The following TRDN variants were observed in gnomAD, a reference collection of about 807,000 sequenced individuals.
The protein encoded by TRDN is triadin.
A neutral mutation model predicts 149.7 loss-of-function variants in TRDN; 161 were observed. The ratio of observed to expected loss-of-function variants is 1.08; its 90% confidence interval spans 0.95 to 1.23. The LOEUF (loss-of-function observed/expected upper bound fraction) is 1.23. TRDN is among the 50% of genes most tolerant of loss of function. The pLI is 0.00. For synonymous variants in TRDN, 294 were observed against 250.5 expected, an observed-to-expected ratio of 1.17 and a Z score of -1.64; for missense variants, 896 against 823.5, an observed-to-expected ratio of 1.09 and a Z score of -1.08.
intron 12 of TRDN, among the ~76,000 whole-genome samples, chr6:123,404,030 C>T (rs80104377): frequency 6.6e-6 from 1 of 152,172 alleles, no homozygotes; most frequent in East Asian, 1.9e-4. Flanking sequence ...TATAGGGCAG[C>T]TTTTCCTTCT....
At chr6:123,570,110 G>T (rs531608973) in intron 2 of TRDN, among the ~76,000 whole-genome samples, 9 of 152,146 alleles carry the variant, frequency 5.9e-5, no homozygotes, top group Non-Finnish European at 1.0e-4. Context: ...TATTTATAGT[G>T]TCTGGGTCCT....
intron 9 of TRDN, among the ~76,000 whole-genome samples, chr6:123,476,415 C>T (rs1323817217): frequency 9.3e-6 from 1 of 106,968 alleles, no homozygotes; most frequent in Non-Finnish European, 2.0e-5. Context: ...AAAGAGGATA[C>T]AAACAAATGG....
At chr6:123,560,052 T>C (rs895464398) in intron 2 of TRDN, among the ~76,000 whole-genome samples, 1 of 152,096 alleles carries the variant, frequency 6.6e-6, no homozygotes, top group East Asian at 1.9e-4. Flanking sequence ...GAGCCAGGAC[T>C]GCACCCTGTA....
At chr6:123,396,489 A>G (rs1166132967) in intron 12 of TRDN, among the ~76,000 whole-genome samples, 1 of 152,226 alleles carries the variant, frequency 6.6e-6, no homozygotes, top group Admixed American at 6.5e-5. Flanking sequence ...ATATTCAACT[A>G]AAGATTATAG....
Position 123,472,229 on chromosome 6 carries a change from G to C in TRDN, c.854-7246C>G, listed in dbSNP as rs558312743. The stretch of plus-strand genomic sequence containing the variant: ...GCGCAGGTCAGTGGGTGCGCGCACC[G>C]TGCGCAAGCCAAAGCAGGGGGAGGC... On this transcript the variant is annotated intron_variant, in intron 9 of 40. Coordinates refer to ENST00000334268, the MANE Select transcript of TRDN (RefSeq NM_006073.4). Among the ~76,000 whole-genome samples, 16 of 152,300 alleles carry C rather than the reference G, an allele frequency of 1.1e-4. No individual in the cohort carries two copies. In the South Asian group the frequency reaches 2.3e-3, roughly 22 times the overall value.
intron 24 of TRDN, 147 bp from the exon 25 acceptor site, chr6:123,279,229 T>G: frequency 1.5e-6 from 1 of 650,120 alleles, no homozygotes; most frequent in Non-Finnish European, 2.4e-6. Flanking sequence ...CTATAGAATG[T>G]GTAACTTATG....
intron 23 of TRDN, among the ~76,000 whole-genome samples, chr6:123,319,910 A>C (rs1458687641): frequency 6.6e-6 from 1 of 152,120 alleles, no homozygotes; most frequent in Non-Finnish European, 1.5e-5. Flanking sequence ...TGTCATCAAT[A>C]GTGTTTTCAA....
At chr6:123,599,373 A>G (rs1200562653) in intron 1 of TRDN, among the ~76,000 whole-genome samples, 1 of 152,066 alleles carries the variant, frequency 6.6e-6, no homozygotes, top group Non-Finnish European at 1.5e-5. Flanking sequence ...AAAGTACACA[A>G]CTGATGCTAA....
At chr6:123,365,160 T>C (rs1781042366) in intron 20 of TRDN, among the ~76,000 whole-genome samples, 1 of 152,172 alleles carries the variant, frequency 6.6e-6, no homozygotes, top group East Asian at 1.9e-4. Context: ...TAGAGCTGTA[T>C]TTGAAAGAGA....
At chr6:123,327,649 G>A (rs970427409) in intron 23 of TRDN, among the ~76,000 whole-genome samples, 1 of 151,980 alleles carries the variant, frequency 6.6e-6, no homozygotes, top group African/African-American at 2.4e-5. Flanking sequence ...CTTATGTTTA[G>A]GAATGCTAAA....
intron 4 of TRDN, among the ~76,000 whole-genome samples, chr6:123,540,770 G>A (rs1413567605): frequency 2.6e-5 from 4 of 152,154 alleles, no homozygotes; most frequent in East Asian, 1.9e-4. Flanking sequence ...TGCCCGCCTC[G>A]GCCTCCCAAA....
At chr6:123,458,383 G>T (rs181135975) in intron 10 of TRDN, among the ~76,000 whole-genome samples, 1 of 152,188 alleles carries the variant, frequency 6.6e-6, no homozygotes, top group African/African-American at 2.4e-5. Flanking sequence ...TTTGAATAAA[G>T]CAGATTACCC....
intron 10 of TRDN, among the ~76,000 whole-genome samples, chr6:123,449,401 C>T (rs1775625957): frequency 6.6e-6 from 1 of 152,094 alleles, no homozygotes; most frequent in Non-Finnish European, 1.5e-5. Context: ...ACTTTGGACA[C>T]ACTTTTAGAA....
chr6:123,431,443 GA>G (rs1436474611), intron 12 of TRDN, among the ~76,000 whole-genome samples: 1 of 152,050 alleles, frequency 6.6e-6, no homozygotes, highest in Non-Finnish European at 1.5e-5. Flanking sequence ...CAAATATCCT[GA>G]AAAAATTTAT....
At chr6:123,459,680 C>G (rs554270068) in intron 10 of TRDN, among the ~76,000 whole-genome samples, 31 of 152,238 alleles carry the variant, frequency 2.0e-4, no homozygotes, top group African/African-American at 7.0e-4. Context: ...CCCAGCAAGC[C>G]CCAAATGTAA....
intron 9 of TRDN, among the ~76,000 whole-genome samples, chr6:123,480,062 G>A (rs905718539): frequency 2.6e-5 from 4 of 151,876 alleles, no homozygotes; most frequent in African/African-American, 7.3e-5. Flanking sequence ...TCAAAATAGA[G>A]ATGCCTATTC....
At chr6:123,243,203 G>C (rs1336647298) in intron 38 of TRDN, among the ~76,000 whole-genome samples, 1 of 152,044 alleles carries the variant, frequency 6.6e-6, no homozygotes, top group African/African-American at 2.4e-5. Flanking sequence ...GCCCACAGCT[G>C]TCACCAGTCT....
At chr6:123,297,811 T>A (rs559401443) in intron 24 of TRDN, among the ~76,000 whole-genome samples, 207 of 152,088 alleles carry the variant, frequency 1.4e-3, no homozygotes, top group Non-Finnish European at 2.3e-3. Flanking sequence ...CACTACTGAG[T>A]CACATATCTA....
intron 2 of TRDN, among the ~76,000 whole-genome samples, chr6:123,567,183 TTTACA>T (rs1268398400): frequency 6.6e-6 from 1 of 152,198 alleles, no homozygotes. Context: ...TAGGTCATAA[TTTACA>T]TTATAGACAT....
Sources: allele counts gnomAD v4.1 joint callset (sites outside exome capture counted in the v4.1 genomes callset), GRCh38; gene constraint gnomAD v4.1.1; transcripts MANE v1.5; gene names NCBI Gene and HGNC (gene_info 2026-07-23, HGNC 2026-07-21).